HPGDS: variants seen among roughly 807,000 people sequenced by gnomAD.
HPGDS encodes the protein hematopoietic prostaglandin D synthase.
HPGDS carries 26 observed loss-of-function variants against 23.1 expected under a neutral mutation model. That is an observed-to-expected ratio of 1.13 (90% CI 0.83 to 1.56). The LOEUF is 1.56. HPGDS is among the 40% of genes most tolerant of loss of function. The pLI is 0.00. For missense variants in HPGDS, 268 were observed against 236.4 expected (o/e 1.13, Z -0.88); for synonymous variants, 95 against 77.9 (o/e 1.22, Z -1.16).
In HPGDS at chr4:94,340,311, C is replaced by CTTTT. The variant is rs869240610; in HGVS notation, c.-10+2480_-10+2483dup. 3.0e-4 allele frequency among the ~76,000 whole-genome samples: 7 copies of CTTTT among 23,682 alleles called. 1 individual carries two copies. The highest frequency in any genetic ancestry group is 7.3e-4 in the African/African-American group (5 of 6,862). 15.5% of individuals were successfully genotyped at this position (23,682 alleles called of 152,430 possible). ...TTTCTTTCTTTCTTTCTTTCTTTCT[C>CTTTT]TTTTTTTTTTTTTTTTTTTTTTTTT... On this transcript the variant is annotated intron_variant, in intron 1 of 5. Transcript: ENST00000295256.
In HPGDS at chr4:94,330,560, G is replaced by A. The variant is rs115492246; in HGVS notation, c.133+3937C>T. ...CAAGACCAATCTATGAAAGCTATAA[G>A]GAGACAGATCTCAACTTTGTATAAG... On this transcript the variant is annotated intron_variant, in intron 2 of 5. Transcript: ENST00000295256. Among the ~76,000 whole-genome samples, 526 of 152,200 alleles carry A rather than the reference G, an allele frequency of 3.5e-3. 4 individuals carry two copies. Among genetic ancestry groups the A allele is most frequent in the African/African-American group, 0.012 (506 of 41,534 alleles).
intron 2 of HPGDS, chr4:94,334,291 T>C (rs1756785157): frequency 2.2e-6 from 1 of 449,238 alleles, no homozygotes; most frequent in South Asian, 5.1e-5. Flanking sequence ...CTGGTTTACC[T>C]TTATATTCTC....
intron 3 of HPGDS, among the ~76,000 whole-genome samples, chr4:94,316,242 G>C (rs949513266): frequency 1.3e-5 from 2 of 152,146 alleles, no homozygotes; most frequent in African/African-American, 4.8e-5. Flanking sequence ...AAGAGGAGAA[G>C]GAGGAAGAAA....
At chr4:94,342,744 G>A (rs1721197703) in intron 1 of HPGDS, 51 bp downstream of exon 1, 1 of 152,130 alleles carries the variant, frequency 6.6e-6, no homozygotes, top group African/African-American at 2.4e-5. Flanking sequence ...GAAGTAAAGA[G>A]TAAAGCATAT....
intron 3 of HPGDS, among the ~76,000 whole-genome samples, chr4:94,314,128 TTC>T (rs1756341302): frequency 6.6e-6 from 1 of 152,254 alleles, no homozygotes; most frequent in South Asian, 2.1e-4. Context: ...TGAAGCCTTC[TTC>T]TCTCAACTCA....
At chr4:94,326,057 G>A (rs534782477) in intron 2 of HPGDS, among the ~76,000 whole-genome samples, 120 of 150,656 alleles carry the variant, frequency 8.0e-4, no homozygotes, top group Middle Eastern at 3.4e-3. Context: ...GAAATCTGCT[G>A]TCAGTCTGAT....
intron 2 of HPGDS, among the ~76,000 whole-genome samples, chr4:94,327,839 G>C (rs758393501): frequency 2.4e-4 from 36 of 152,330 alleles, no homozygotes; most frequent in Non-Finnish European, 4.9e-4. Flanking sequence ...GGGTTGTTGT[G>C]GGGGGATGTC....
intron 4 of HPGDS, among the ~76,000 whole-genome samples, chr4:94,302,839 A>T (rs1379824349): frequency 6.6e-6 from 1 of 152,218 alleles, no homozygotes; most frequent in East Asian, 1.9e-4. Context: ...TATATAAACA[A>T]ATATTATTTA....
intron 3 of HPGDS, among the ~76,000 whole-genome samples, chr4:94,312,545 T>A (rs1756297108): frequency 6.6e-6 from 1 of 152,118 alleles, no homozygotes; most frequent in Non-Finnish European, 1.5e-5. Context: ...TGCTGAGGAG[T>A]GCTTTACTTC....
At chr4:94,307,519 C>A (rs1367872099) in intron 4 of HPGDS, among the ~76,000 whole-genome samples, 1 of 151,960 alleles carries the variant, frequency 6.6e-6, no homozygotes, top group Non-Finnish European at 1.5e-5. Flanking sequence ...ATGGAGTAAA[C>A]AAAGAAAGAA....
intron 2 of HPGDS, among the ~76,000 whole-genome samples, chr4:94,330,436 T>A (rs1756714981): frequency 6.6e-6 from 1 of 152,132 alleles, no homozygotes; most frequent in South Asian, 2.1e-4. Context: ...AGAAATAGCT[T>A]TTTTTTCCAT....
chr4:94,323,500 C>T (rs1404034822), intron 2 of HPGDS, among the ~76,000 whole-genome samples: 8 of 152,128 alleles, frequency 5.3e-5, no homozygotes, highest in East Asian at 1.9e-4. Flanking sequence ...TGAATTGATC[C>T]CTTTACCATT....
At chr4:94,340,632 C>T (rs1721144061) in intron 1 of HPGDS, among the ~76,000 whole-genome samples, 1 of 119,122 alleles carries the variant, frequency 8.4e-6, no homozygotes, top group East Asian at 2.4e-4. Context: ...AGCCACCGGG[C>T]CCGGCCCGCC....
chr4:94,329,504 C>T (rs1756699055), intron 2 of HPGDS, among the ~76,000 whole-genome samples: 1 of 152,132 alleles, frequency 6.6e-6, no homozygotes, highest in Admixed American at 6.5e-5. Context: ...ATAAAACTAG[C>T]TAAGTGGAAC....
chr4:94,337,614 G>T (rs1375501719), intron 1 of HPGDS, among the ~76,000 whole-genome samples: 2 of 152,150 alleles, frequency 1.3e-5, no homozygotes, highest in Admixed American at 1.3e-4. Flanking sequence ...GGCAGAGGTT[G>T]CAGTGAGCCA....
chr4:94,337,529 G>C (rs59483091), intron 1 of HPGDS, among the ~76,000 whole-genome samples: 1 of 151,288 alleles, frequency 6.6e-6, no homozygotes, highest in African/African-American at 2.4e-5. Flanking sequence ...ACAAAAATTA[G>C]CTGGGGGTGG....
At chr4:94,337,747 T>A in intron 1 of HPGDS, among the ~76,000 whole-genome samples, 1 of 152,342 alleles carries the variant, frequency 6.6e-6, no homozygotes, top group Admixed American at 6.5e-5. Context: ...AATTACCACA[T>A]AGATACCAGT....
chr4:94,301,699 C>T (rs1479685551), intron 5 of HPGDS, among the ~76,000 whole-genome samples: 1 of 151,786 alleles, frequency 6.6e-6, no homozygotes, highest in Non-Finnish European at 1.5e-5. Flanking sequence ...AAAAAAATAC[C>T]AATAGTTTGT....
intron 2 of HPGDS, among the ~76,000 whole-genome samples, chr4:94,332,755 C>T (rs972776882): frequency 2.6e-5 from 4 of 152,240 alleles, no homozygotes; most frequent in African/African-American, 9.6e-5. Flanking sequence ...TTCGAGTTAT[C>T]TGCTACTACA....
Sources: gnomAD v4.1 joint callset for allele counts (sites outside exome capture counted in the v4.1 genomes callset) on GRCh38, gnomAD v4.1.1 for gene constraint, MANE v1.5 for transcripts, NCBI Gene and HGNC (gene_info 2026-07-23, HGNC 2026-07-21) for gene names.